The following INPP4B variants were observed in gnomAD, a reference collection of about 807,000 sequenced individuals.
The protein encoded by INPP4B is inositol polyphosphate-4-phosphatase type II B.
A neutral mutation model predicts 122.5 loss-of-function variants in INPP4B; 55 were observed. The observed-to-expected ratio is 0.45, with a 90% CI of 0.36 to 0.56. The LOEUF is 0.56. INPP4B is among the 20% of genes least tolerant of loss of function. INPP4B has a pLI of 0.00. For missense variants in INPP4B, 1,000 were observed against 1,097.7 expected (o/e 0.91, Z 1.26); for synonymous variants, 403 against 388.7 (o/e 1.04, Z -0.43).
At chr4:142,147,108 G>A (rs1404342064) in intron 17 of INPP4B, among the ~76,000 whole-genome samples, 1 of 152,092 alleles carries the variant, frequency 6.6e-6, no homozygotes, top group Non-Finnish European at 1.5e-5. Flanking sequence ...GATTTATGGT[G>A]TTTTCCCTGC....
chr4:142,316,770 G>A (rs1030849732), intron 7 of INPP4B, among the ~76,000 whole-genome samples: 19 of 152,114 alleles, frequency 1.2e-4, no homozygotes, highest in African/African-American at 4.3e-4. Context: ...ATTGGACAAA[G>A]GTAGAAAATT....
intron 2 of INPP4B, among the ~76,000 whole-genome samples, chr4:142,568,091 C>A (rs577063253): frequency 6.6e-6 from 1 of 152,166 alleles, no homozygotes; most frequent in South Asian, 2.1e-4. Context: ...CCTCTGCATT[C>A]TTTCCCTCTG....
intron 1 of INPP4B, among the ~76,000 whole-genome samples, chr4:142,776,205 C>T (rs1172655978): frequency 3.9e-5 from 6 of 152,140 alleles, no homozygotes; most frequent in African/African-American, 1.4e-4. Context: ...AGGTCTACTA[C>T]CCACTCACTT....
chr4:142,291,981 G>T (rs1403581116), intron 9 of INPP4B, among the ~76,000 whole-genome samples: 1 of 151,922 alleles, frequency 6.6e-6, no homozygotes, highest in Non-Finnish European at 1.5e-5. Context: ...CCTCTCCCTG[G>T]ATCTTTCATA....
intron 16 of INPP4B, among the ~76,000 whole-genome samples, chr4:142,168,074 A>T (rs187684040): frequency 1.3e-5 from 2 of 151,518 alleles, no homozygotes; most frequent in Non-Finnish European, 3.0e-5. Flanking sequence ...CGTCAGAGAA[A>T]CATGTGTCCT....
chr4:142,632,721 G>T lies in INPP4B; in HGVS notation c.-191+93118C>A, dbSNP rs545269042. 8.5e-4 allele frequency among the ~76,000 whole-genome samples: 129 copies of T among 151,756 alleles called. 3 individuals are homozygous for T. In the South Asian group the frequency reaches 0.025, roughly 30 times the overall value. On this transcript the variant is annotated intron_variant, in intron 2 of 25. Coordinates refer to ENST00000262992, the MANE Select transcript of INPP4B (RefSeq NM_001101669.3). ...ATAAATTGAGTTAAAATGTTCAAAG[G>T]TTCTTATATTATCAGTAATGGAGGA... is the stretch of plus-strand genomic sequence containing the variant.
chr4:142,810,657 T>C (rs1291174944), intron 1 of INPP4B, among the ~76,000 whole-genome samples: 2 of 152,206 alleles, frequency 1.3e-5, no homozygotes, highest in Non-Finnish European at 2.9e-5. Context: ...AAAAGGACTC[T>C]CCCAGTTGCT....
chr4:142,440,278 G>A (rs570674276), intron 3 of INPP4B, among the ~76,000 whole-genome samples: 111 of 152,298 alleles, frequency 7.3e-4, no homozygotes, highest in Non-Finnish European at 1.3e-3. Flanking sequence ...TGCCATGAAA[G>A]GGATATTATC....
In INPP4B at chr4:142,692,924, T is replaced by TAGATAGAC. The variant is rs1450117416; in HGVS notation, c.-191+32914_-191+32915insGTCTATCT. Among the ~76,000 whole-genome samples the TAGATAGAC allele has an allele frequency of 7.2e-3, 1,092 of 150,738 alleles. 16 individuals carry two copies. The highest frequency in any genetic ancestry group is 0.025 in the African/African-American group (1,030 of 40,878). On this transcript the variant is annotated intron_variant, in intron 2 of 25. Coordinates refer to ENST00000262992, the MANE Select transcript of INPP4B (RefSeq NM_001101669.3). ...ATTTAGGCTAGTCTCTATAGATAGATAGATAGATAGATACATAGATACATA... is the reference window on the plus strand; with the variant it reads ...ATTTAGGCTAGTCTCTATAGATAGATAGATAGACAGATAGATAGATACATAGATACATA...
chr4:142,553,035 T>A (rs1029484034), intron 2 of INPP4B, among the ~76,000 whole-genome samples: 1 of 152,210 alleles, frequency 6.6e-6, no homozygotes, highest in African/African-American at 2.4e-5. Flanking sequence ...AGACCTCTCC[T>A]TCCTTTTCTA....
At chr4:142,562,051 G>C (rs551907778) in intron 2 of INPP4B, among the ~76,000 whole-genome samples, 1 of 152,036 alleles carries the variant, frequency 6.6e-6, no homozygotes, top group South Asian at 2.1e-4. Flanking sequence ...GAGGAAAAGC[G>C]AAATTTTATA....
chr4:142,538,754 C>A (rs2059510), intron 2 of INPP4B, among the ~76,000 whole-genome samples: 73 of 151,822 alleles, frequency 4.8e-4, no homozygotes, highest in African/African-American at 1.6e-3. Context: ...GGCATGGATG[C>A]GAAGGTTAAG....
intron 2 of INPP4B, among the ~76,000 whole-genome samples, chr4:142,592,392 G>GT (rs1192811958): frequency 2.0e-5 from 3 of 152,032 alleles, no homozygotes; most frequent in African/African-American, 4.8e-5. Flanking sequence ...GTCTTCTCTT[G>GT]TTTTTTAAGG....
intron 2 of INPP4B, among the ~76,000 whole-genome samples, chr4:142,611,978 C>T (rs1235196266): frequency 1.3e-5 from 2 of 152,106 alleles, no homozygotes; most frequent in Non-Finnish European, 2.9e-5. Flanking sequence ...CTGGAAGTTC[C>T]CTCTTTAAGG....
intron 2 of INPP4B, among the ~76,000 whole-genome samples, chr4:142,706,630 G>C (rs927668507): frequency 6.6e-6 from 1 of 152,230 alleles, no homozygotes; most frequent in East Asian, 1.9e-4. Context: ...GGCTAAACAA[G>C]CAAGCTTGGC....
chr4:142,199,714 T>G (rs1839868072), intron 14 of INPP4B, among the ~76,000 whole-genome samples: 1 of 152,066 alleles, frequency 6.6e-6, no homozygotes, highest in Non-Finnish European at 1.5e-5. Context: ...CTTTGTAGAA[T>G]GTTCCTCAGC....
rs548088442 is a variant in INPP4B, at chr4:142,297,778, C to A, written c.503+7680G>T. Among the ~76,000 whole-genome samples, 13 of 152,290 alleles carry A rather than the reference C, an allele frequency of 8.5e-5. 1 individual carries two copies. The South Asian group carries it at 2.7e-3, about 32-fold the overall frequency. ...CCAAGTTTAGAGAAGGTAGCTGTCA[C>A]ATTCTAAAAAGGAATTTCAACAAGT... is the stretch of plus-strand genomic sequence containing the variant. On this transcript the variant is annotated intron_variant, in intron 9 of 25. Transcript: ENST00000262992.
chr4:142,705,625 T>C (rs1762386620), intron 2 of INPP4B, among the ~76,000 whole-genome samples: 1 of 152,134 alleles, frequency 6.6e-6, no homozygotes, highest in Non-Finnish European at 1.5e-5. Context: ...GTTCCGAGCA[T>C]GAGTCTCTAA....
intron 23 of INPP4B, among the ~76,000 whole-genome samples, chr4:142,088,267 G>T (rs1777792065): frequency 6.6e-6 from 1 of 152,170 alleles, no homozygotes; most frequent in South Asian, 2.1e-4. Context: ...CAATAAGGTT[G>T]CTTTTTAATT....
Sources: gnomAD v4.1 joint callset for allele counts (sites outside exome capture counted in the v4.1 genomes callset) on GRCh38, gnomAD v4.1.1 for gene constraint, MANE v1.5 for transcripts, NCBI Gene and HGNC (gene_info 2026-07-23, HGNC 2026-07-21) for gene names.